The following AP1M1 variants were observed in gnomAD, a reference collection of about 807,000 sequenced individuals.
The protein encoded by AP1M1 is adaptor related protein complex 1 subunit mu 1.
Under a neutral mutation model 57.1 loss-of-function variants are expected in AP1M1, and 18 were observed. The ratio of observed to expected loss-of-function variants is 0.32; its 90% CI spans 0.22 to 0.47. The LOEUF (loss-of-function observed/expected upper bound fraction) is 0.47, where lower values mean the gene tolerates loss of function less well. Ranked by LOEUF, AP1M1 falls within the 20% of genes least tolerant of loss-of-function variation. The probability of loss-of-function intolerance (pLI) is 1.00; values close to 1 mark genes in which losing one functional copy is unlikely to be tolerated. For synonymous variants in AP1M1, 241 were observed against 237.9 expected (o/e 1.01, Z -0.12); for missense variants, 362 against 593.5 (o/e 0.61, Z 4.05).
intron 5 of AP1M1, among the ~76,000 whole-genome samples, chr19:16,223,026 T>A (rs2145132805): frequency 6.6e-6 from 1 of 152,358 alleles, no homozygotes; most frequent in South Asian, 2.1e-4. Flanking sequence ...GTTGTTTGTA[T>A]GCTGAGTAAT....
Position 16,234,463 on chromosome 19 carries a change from T to A in AP1M1, c.*28T>A. ...GGCTGTCGCAGCCAACACCCCGGCC[T>A]CGGGGCTCCTGGTGGCAGCACCAGG... is the stretch of plus-strand genomic sequence containing the variant. On this transcript the variant is annotated 3_prime_UTR_variant, in exon 12 of 12. Coordinates refer to ENST00000291439, the MANE Select transcript of AP1M1 (RefSeq NM_032493.4). 1 of 1,613,006 alleles carries A rather than the reference T, an allele frequency of 6.2e-7. No individual in the cohort carries two copies. The highest frequency in any genetic ancestry group is 8.5e-7 in the Non-Finnish European group (1 of 1,179,784).
intron 1 of AP1M1, among the ~76,000 whole-genome samples, chr19:16,201,555 C>G (rs547309161): frequency 6.6e-6 from 1 of 151,890 alleles, no homozygotes; most frequent in Admixed American, 6.6e-5. Flanking sequence ...TGCACCACCA[C>G]GCCTGGCTAA....
At position 16,235,143 on chromosome 19, in the gene AP1M1, C is replaced by T. The variant is rs917553564; in HGVS notation, c.*708C>T. The T allele has an allele frequency of 1.3e-5, 2 of 152,356 alleles. No homozygotes were observed. The highest frequency in any genetic ancestry group is 2.4e-5 in the African/African-American group (1 of 41,448). The allele number at this position is 152,356 out of a possible 1,614,324, so 9.4% of individuals were successfully genotyped here. On this transcript the variant is annotated 3_prime_UTR_variant, in exon 12 of 12. Transcript: ENST00000291439. ...GCCTTCCCAGGGCCAGCCTGGGTCA[C>T]GAGATGCTGTCACTCAGCCAGATCA...
chr19:16,224,370 C>A (rs1681181106), intron 5 of AP1M1, among the ~76,000 whole-genome samples: 1 of 152,236 alleles, frequency 6.6e-6, no homozygotes, highest in Non-Finnish European at 1.5e-5. Context: ...GTGGCTCCGC[C>A]CGGAAGGATC....
chr19:16,215,221 A>C (rs866761698), intron 5 of AP1M1, among the ~76,000 whole-genome samples: 1 of 3,576 alleles, frequency 2.8e-4, no homozygotes, highest in African/African-American at 7.3e-4. Context: ...GAGAGGGGGG[A>C]GGGGGGAGGG....
At chr19:16,216,850 A>G (rs1351477572) in intron 5 of AP1M1, among the ~76,000 whole-genome samples, 2 of 152,208 alleles carry the variant, frequency 1.3e-5, no homozygotes, top group East Asian at 3.8e-4. Flanking sequence ...CAACACTCCA[A>G]TGGGTGGTGC....
intron 2 of AP1M1, among the ~76,000 whole-genome samples, chr19:16,204,870 G>A (rs867781633): frequency 2.7e-5 from 4 of 148,488 alleles, no homozygotes; most frequent in Admixed American, 1.4e-4. Flanking sequence ...TCGCTCTGTC[G>A]CCCAGGCTGG....
At chr19:16,225,228 C>T (rs536151851) in intron 5 of AP1M1, among the ~76,000 whole-genome samples, 1 of 152,328 alleles carries the variant, frequency 6.6e-6, no homozygotes, top group South Asian at 2.1e-4. Context: ...TTTTGGACAT[C>T]ATGCATAAGA....
At position 16,235,378 on chromosome 19, in the gene AP1M1, C is replaced by T. The variant is rs1599469337; in HGVS notation, c.*943C>T. 1 of 152,288 alleles carries T rather than the reference C, an allele frequency of 6.6e-6. No individual in the cohort carries two copies. The highest frequency in any genetic ancestry group is 1.9e-4 in the East Asian group (1 of 5,202). 9.4% of individuals were successfully genotyped at this position (152,288 alleles called of 1,614,324 possible). On this transcript the variant is annotated 3_prime_UTR_variant, in exon 12 of 12. Transcript: ENST00000291439. ...TTCCTCTGATGCAGCGTGGTCCCAA[C>T]TCCTCCTGCGTGACCACAGGGCTTG...
chr19:16,208,784 T>G (rs536280286), intron 4 of AP1M1: 3 of 412,310 alleles, frequency 7.3e-6, no homozygotes, highest in East Asian at 7.7e-5. Context: ...TCCCCCAAAA[T>G]GAGCACTTCA....
Position 16,203,525 on chromosome 19 carries a change from C to T in AP1M1, c.109C>T (p.Leu37=). Residue 37 remains leucine (L), a synonymous_variant, in exon 2 of 12, where the codon CTG becomes TTG. Coordinates refer to ENST00000291439, the MANE Select transcript of AP1M1 (RefSeq NM_032493.4). The surrounding 1 kb of genome is among the most constrained non-coding windows in gnomAD (Gnocchi z 4.6). ...MSEVEHFMPI[L]MEKEEEGMLS... is the part of the protein sequence containing the mutation. The stretch of plus-strand genomic sequence containing the variant: ...AGAGGTGGAGCACTTCATGCCCATC[C>T]TGATGGAGAAGGAGGAGGAGGGGAT... 1.2e-6 allele frequency: 2 copies of T among 1,614,204 alleles called. No homozygotes were observed.
Position 16,227,158 on chromosome 19 carries a change from G to A in AP1M1, c.674-390G>A, listed in dbSNP as rs1369443420. ...CAGGGCCCCACCCACATAGCCCTCA[G>A]TGAGGTGGCAAACCAAGGTAGGACC... On this transcript the variant is annotated intron_variant, in intron 6 of 11. Transcript: ENST00000291439. The surrounding 1 kb of genome is among the most constrained non-coding windows in gnomAD (Gnocchi z 6.2). 6.6e-6 allele frequency among the ~76,000 whole-genome samples: 1 copy of A among 152,172 alleles called. No homozygotes were observed. The highest frequency in any genetic ancestry group is 1.5e-5 in the Non-Finnish European group (1 of 67,994).
chr19:16,216,037 A>G (rs1166154670), intron 5 of AP1M1, among the ~76,000 whole-genome samples: 1 of 152,008 alleles, frequency 6.6e-6, no homozygotes, highest in Non-Finnish European at 1.5e-5. Flanking sequence ...ATCATTTTCT[A>G]TCCTGGCTGT....
chr19:16,219,713 ATATACACCT>A (rs929844400), intron 5 of AP1M1, among the ~76,000 whole-genome samples: 8 of 152,180 alleles, frequency 5.3e-5, no homozygotes, highest in African/African-American at 1.9e-4. Context: ...TTTATGTTTT[ATATACACCT>A]TATGCACGTA....
intron 9 of AP1M1, among the ~76,000 whole-genome samples, chr19:16,232,628 C>A (rs988915816): frequency 4.6e-5 from 7 of 152,220 alleles, no homozygotes; most frequent in African/African-American, 1.7e-4. Context: ...TCTCACGCTG[C>A]CCTGGTGGCA....
At chr19:16,215,599 T>G (rs2145125940) in intron 5 of AP1M1, among the ~76,000 whole-genome samples, 1 of 151,888 alleles carries the variant, frequency 6.6e-6, no homozygotes, top group African/African-American at 2.4e-5. Context: ...GCTATGTCTC[T>G]CTAGCTTCTT....
intron 5 of AP1M1, among the ~76,000 whole-genome samples, chr19:16,222,709 G>T (rs1460746815): frequency 1.3e-5 from 2 of 151,946 alleles, no homozygotes. Flanking sequence ...GTGTGTTCAA[G>T]TGATCTTCCC....
intron 5 of AP1M1, among the ~76,000 whole-genome samples, chr19:16,210,103 G>T (rs529944824): frequency 6.6e-6 from 1 of 152,168 alleles, no homozygotes. Flanking sequence ...TGAGATTGTC[G>T]TATGAATGGC....
In AP1M1 at chr19:16,215,207, G is replaced by A. The variant is rs1023972308; in HGVS notation, c.546+6030G>A. Among the ~76,000 whole-genome samples, 3 of 44,798 alleles carry A rather than the reference G, an allele frequency of 6.7e-5. 1 individual carries two copies. The highest frequency in any genetic ancestry group is 2.0e-4 in the Non-Finnish European group (3 of 15,054). 29.4% of individuals were successfully genotyped at this position (44,798 alleles called of 152,430 possible). A position where few individuals can be genotyped will look rare whatever the true frequency, so the allele number is the denominator to read the frequency against. On this transcript the variant is annotated intron_variant, in intron 5 of 11. Coordinates refer to ENST00000291439, the MANE Select transcript of AP1M1 (RefSeq NM_032493.4). Reference sequence around the variant, plus strand: ...GGGAGGCTAAGGCGGGGGCGGGGGGGGGGGAGAGGGGGGAGGGGGGAGGGG... The same window carrying A: ...GGGAGGCTAAGGCGGGGGCGGGGGGAGGGGAGAGGGGGGAGGGGGGAGGGG...
Sources: allele counts gnomAD v4.1 joint callset (sites outside exome capture counted in the v4.1 genomes callset), GRCh38; gene constraint gnomAD v4.1.1; non-coding constraint Gnocchi (gnomAD v3.1); transcripts MANE v1.5; gene names NCBI Gene and HGNC (gene_info 2026-07-23, HGNC 2026-07-21).